Variants in ITGA9 observed in about 807,000 individuals in gnomAD.
ITGA9 encodes the protein integrin subunit alpha 9.
In ITGA9, 56 loss-of-function variants were observed where a neutral mutation model predicts 127.8. The ratio of observed to expected loss-of-function variants is 0.44; its 90% CI spans 0.35 to 0.55. The LOEUF (loss-of-function observed/expected upper bound fraction) is 0.55, where lower values mean the gene tolerates loss of function less well. Among genes scored for constraint, ITGA9 ranks in the 20% least tolerant of loss-of-function variants. The pLI, the probability that ITGA9 is intolerant of heterozygous loss-of-function variation, is 0.00. For missense variants in ITGA9, 1,196 were observed against 1,347.1 expected, an observed-to-expected ratio of 0.89 and a Z score of 1.76; for synonymous variants, 508 against 514.5, an observed-to-expected ratio of 0.99 and a Z score of 0.17.
chr3:37,606,472 G>A (rs1370202634), intron 15 of ITGA9, among the ~76,000 whole-genome samples: 1 of 152,180 alleles, frequency 6.6e-6, no homozygotes, highest in Non-Finnish European at 1.5e-5. Context: ...GAGCACAGCT[G>A]TATTGGACAG....
chr3:37,452,665 A>AG lies in ITGA9; in HGVS notation c.185+111dup. On this transcript the variant is annotated intron_variant, in intron 1 of 27. Transcript: ENST00000264741. The surrounding 1 kb of genome is among the most constrained non-coding windows in gnomAD (Gnocchi z 7.3). ...CGGTCTCTTCCACGCCGCCGTCCCG[A>AG]GGGGGCGATTTAAATGTCTCCGTTG... 1.9e-6 allele frequency: 2 copies of AG among 1,036,532 alleles called. No homozygotes were observed. The highest frequency in any genetic ancestry group is 4.1e-5 in the Admixed American group (1 of 24,480). 64.2% of individuals were successfully genotyped at this position (1,036,532 alleles called of 1,614,324 possible). A position where few individuals can be genotyped will look rare whatever the true frequency, so the allele number is the denominator to read the frequency against.
intron 18 of ITGA9, among the ~76,000 whole-genome samples, chr3:37,729,900 C>T (rs767851271): frequency 1.3e-5 from 2 of 152,064 alleles, no homozygotes; most frequent in Non-Finnish European, 2.9e-5. Flanking sequence ...AACAGGGTTT[C>T]ACCATGTTGG....
intron 15 of ITGA9, among the ~76,000 whole-genome samples, chr3:37,605,722 C>T (rs910365600): frequency 3.9e-5 from 6 of 152,090 alleles, no homozygotes; most frequent in East Asian, 1.9e-4. Context: ...GTTGGGAAAA[C>T]GACTCAGCTG....
chr3:37,792,424 G>A (rs1410205536), intron 26 of ITGA9, among the ~76,000 whole-genome samples: 2 of 152,174 alleles, frequency 1.3e-5, no homozygotes, highest in Non-Finnish European at 2.9e-5. Context: ...ATTGGGGGTC[G>A]AGGAATGTTT....
intron 16 of ITGA9, among the ~76,000 whole-genome samples, chr3:37,632,205 G>A (rs954476857): frequency 6.6e-6 from 1 of 152,160 alleles, no homozygotes; most frequent in Non-Finnish European, 1.5e-5. Flanking sequence ...TTTTAAAAAT[G>A]CAACACCTTA....
intron 18 of ITGA9, among the ~76,000 whole-genome samples, chr3:37,718,371 A>C (rs1701156052): frequency 6.6e-6 from 1 of 152,208 alleles, no homozygotes; most frequent in Non-Finnish European, 1.5e-5. Flanking sequence ...CCTGCCCCAG[A>C]GGCACATGAC....
chr3:37,645,076 T>C (rs1700364459), intron 16 of ITGA9, among the ~76,000 whole-genome samples: 1 of 152,090 alleles, frequency 6.6e-6, no homozygotes, highest in Non-Finnish European at 1.5e-5. Flanking sequence ...GTCATGGTAT[T>C]TATATGAATA....
chr3:37,512,541 G>T (rs1698943850), intron 8 of ITGA9, among the ~76,000 whole-genome samples: 1 of 151,976 alleles, frequency 6.6e-6, no homozygotes, highest in African/African-American at 2.4e-5. Flanking sequence ...TAAAGTAGAG[G>T]TTGCAAACTG....
intron 26 of ITGA9, 118 bp downstream of exon 26, chr3:37,785,196 T>C: frequency 1.3e-6 from 1 of 785,556 alleles, no homozygotes; most frequent in South Asian, 1.4e-5. Context: ...GTTGGGTTTG[T>C]GGCAGACCCA....
intron 27 of ITGA9, among the ~76,000 whole-genome samples, chr3:37,813,510 T>G (rs1170209939): frequency 6.6e-6 from 1 of 152,254 alleles, no homozygotes; most frequent in Non-Finnish European, 1.5e-5. Flanking sequence ...TGACATTCTA[T>G]TAGAAAATGT....
intron 23 of ITGA9, among the ~76,000 whole-genome samples, chr3:37,754,240 A>G (rs1256084207): frequency 3.3e-5 from 5 of 152,186 alleles, no homozygotes; most frequent in Non-Finnish European, 5.9e-5. Context: ...TGAAGGTTCA[A>G]TGGAAGAGAT....
intron 15 of ITGA9, among the ~76,000 whole-genome samples, chr3:37,562,524 C>T (rs1006833829): frequency 6.6e-6 from 1 of 152,190 alleles, no homozygotes; most frequent in African/African-American, 2.4e-5. Context: ...CCTTGTTTTG[C>T]TCCTCATCAG....
intron 15 of ITGA9, among the ~76,000 whole-genome samples, chr3:37,622,562 G>T (rs564539532): frequency 2.0e-5 from 3 of 152,182 alleles, no homozygotes; most frequent in African/African-American, 7.2e-5. Context: ...TGTATTAAAG[G>T]CCGGGCGCAG....
At chr3:37,798,853 A>T (rs1214167154) in intron 26 of ITGA9, among the ~76,000 whole-genome samples, 2 of 152,230 alleles carry the variant, frequency 1.3e-5, no homozygotes, top group African/African-American at 2.4e-5. Flanking sequence ...ATAATAAATT[A>T]AATAAATCTT....
Position 37,471,091 on chromosome 3 carries a change from C to T in ITGA9, c.270C>T (p.His90=), listed in dbSNP as rs367702166. Reference sequence around the variant, plus strand: ...GGGCTGTGTTTAAGTGCCGTGTTCACACCAACCCTGACCGGAGATGCACCG... The same window carrying T: ...GGGCTGTGTTTAAGTGCCGTGTTCATACCAACCCTGACCGGAGATGCACCG... ...SPGAVFKCRV[H]TNPDRRCTEL... Residue 90 remains histidine, a synonymous_variant, in exon 2 of 28, where the codon CAC becomes CAT. Coordinates refer to ENST00000264741, the MANE Select transcript of ITGA9 (RefSeq NM_002207.3). The T allele has an allele frequency of 4.3e-6, 7 of 1,614,108 alleles. No homozygotes were observed. The highest frequency in any genetic ancestry group is 1.6e-4 in the Middle Eastern group (1 of 6,062).
intron 18 of ITGA9, among the ~76,000 whole-genome samples, chr3:37,715,444 C>G (rs1319785786): frequency 6.6e-6 from 1 of 152,160 alleles, no homozygotes; most frequent in Non-Finnish European, 1.5e-5. Flanking sequence ...AGTTCCATCC[C>G]CTAGGAATCT....
chr3:37,633,665 T>A (rs565075540), intron 16 of ITGA9, among the ~76,000 whole-genome samples: 6 of 152,220 alleles, frequency 3.9e-5, no homozygotes, highest in Non-Finnish European at 7.3e-5. Context: ...CATCCATTTC[T>A]CTCTCTTCTG....
chr3:37,727,943 T>C (rs554086414), intron 18 of ITGA9, among the ~76,000 whole-genome samples: 1 of 152,254 alleles, frequency 6.6e-6, no homozygotes, highest in Non-Finnish European at 1.5e-5. Flanking sequence ...ATCACTTTCA[T>C]TGATTTCATG....
chr3:37,485,846 A>C (rs1160348447), intron 4 of ITGA9, among the ~76,000 whole-genome samples: 2 of 152,236 alleles, frequency 1.3e-5, no homozygotes, highest in Admixed American at 6.5e-5. Context: ...ACATAAACTC[A>C]TGGAGCATAT....
Sources: gnomAD v4.1 joint callset for allele counts (sites outside exome capture counted in the v4.1 genomes callset) on GRCh38, gnomAD v4.1.1 for gene constraint, Gnocchi (gnomAD v3.1) non-coding constraint, MANE v1.5 for transcripts, NCBI Gene and HGNC (gene_info 2026-07-23, HGNC 2026-07-21) for gene names.